The following TECRL variants were observed in gnomAD, a reference collection of about 807,000 sequenced individuals.
TECRL encodes the protein trans-2,3-enoyl-CoA reductase-like.
Under a neutral mutation model 52.8 loss-of-function variants are expected in TECRL, and 63 were observed. The observed-to-expected ratio is 1.19, with a 90% CI of 0.97 to 1.47. The LOEUF is 1.47. Among genes scored for constraint, TECRL ranks in the 40% most tolerant of loss-of-function variants. TECRL has a pLI of 0.00. For missense variants in TECRL, 482 were observed against 429.6 expected (o/e 1.12, Z -1.08); for synonymous variants, 164 against 141.9 (o/e 1.16, Z -1.10).
chr4:64,305,378 G>T lies in TECRL; in HGVS notation c.658-140C>A, dbSNP rs1018184485. On this transcript the variant is annotated intron_variant, in intron 6 of 11. Transcript: ENST00000381210. ...ATATTAGACACTGCAGCATTTATAT[G>T]TAAAATGGTACAAATTGTCTAAGCT... is the stretch of plus-strand genomic sequence containing the variant. 1.3e-5 allele frequency: 9 copies of T among 666,716 alleles called. No homozygotes were observed. In the Admixed American group the frequency reaches 2.1e-4, roughly 16 times the overall value. The allele number at this position is 666,716 out of a possible 1,614,324, so 41.3% of individuals were successfully genotyped here. A position where few individuals can be genotyped will look rare whatever the true frequency, so the allele number is the denominator to read the frequency against.
intron 2 of TECRL, among the ~76,000 whole-genome samples, chr4:64,329,407 G>A (rs1384904040): frequency 6.6e-6 from 1 of 151,636 alleles, no homozygotes; most frequent in Non-Finnish European, 1.5e-5. Flanking sequence ...GGACTAGAAA[G>A]GGATGAGAGT....
chr4:64,406,154 G>GCA (rs1379173665), intron 1 of TECRL, among the ~76,000 whole-genome samples: 29 of 98,592 alleles, frequency 2.9e-4, no homozygotes, highest in Non-Finnish European at 5.7e-4. Flanking sequence ...TTAGGCGCGC[G>GCA]CGCGCGCGCG....
chr4:64,299,976 G>A lies in TECRL; in HGVS notation c.772C>T (p.Leu258=). 1 of 1,572,646 alleles carries A rather than the reference G, an allele frequency of 6.4e-7. No homozygotes were observed. The highest frequency in any genetic ancestry group is 8.7e-7 in the Non-Finnish European group (1 of 1,156,002). Residue 258 remains leucine, a splice_region_variant and synonymous_variant, in exon 8 of 12, where the codon CTG becomes TTG. Transcript: ENST00000381210. The part of the protein sequence containing the change: ...RQITVSAINF[L]ICEAGNHFIN... ...CAAAATATATATATGATACATACCA[G>A]AAAATTGATAGCAGATACTGTGATT... is the stretch of plus-strand genomic sequence containing the variant.
At chr4:64,357,881 A>G (rs1329104530) in intron 2 of TECRL, among the ~76,000 whole-genome samples, 4 of 151,886 alleles carry the variant, frequency 2.6e-5, no homozygotes, top group African/African-American at 9.6e-5. Flanking sequence ...TCATAAGGAC[A>G]TTATATATTA....
chr4:64,299,899 C>A (rs1166825214), intron 8 of TECRL, 75 bp downstream of exon 8: 8 of 727,894 alleles, frequency 1.1e-5, no homozygotes, highest in East Asian at 5.8e-5. Flanking sequence ...CATGACAAAT[C>A]TTCAGATACA....
intron 2 of TECRL, among the ~76,000 whole-genome samples, chr4:64,332,879 T>G (rs1424916879): frequency 6.6e-6 from 1 of 152,078 alleles, no homozygotes; most frequent in Non-Finnish European, 1.5e-5. Flanking sequence ...CTAATATATG[T>G]GAAACTGAAG....
At chr4:64,320,840 AATGC>A (rs1196883203) in intron 4 of TECRL, among the ~76,000 whole-genome samples, 4 of 152,194 alleles carry the variant, frequency 2.6e-5, no homozygotes, top group Admixed American at 2.6e-4. Context: ...TTTATTTGCA[AATGC>A]ATGCATCGTC....
At chr4:64,313,974 A>T (rs1386638390) in intron 5 of TECRL, among the ~76,000 whole-genome samples, 3 of 136,336 alleles carry the variant, frequency 2.2e-5, no homozygotes, top group Admixed American at 7.4e-5. Flanking sequence ...TCCACTAAAA[A>T]TACAAAAAAA....
Position 64,407,733 on chromosome 4 carries a change from G to A in TECRL, c.234+1385C>T, listed in dbSNP as rs1047093464. Reference sequence around the variant, plus strand: ...TGTAAGATTTGTGTTTTTCATAGTGGAATATTATAAACATTAGCAACTTCT... The same window carrying A: ...TGTAAGATTTGTGTTTTTCATAGTGAAATATTATAAACATTAGCAACTTCT... On this transcript the variant is annotated intron_variant, in intron 1 of 11. Coordinates refer to ENST00000381210, the MANE Select transcript of TECRL (RefSeq NM_001010874.5). Among the ~76,000 whole-genome samples the A allele has an allele frequency of 1.1e-4, 16 of 150,980 alleles. No individual in the cohort carries two copies. The South Asian group carries it at 2.3e-3, about 22-fold the overall frequency.
At chr4:64,367,883 C>T (rs1721712554) in intron 2 of TECRL, among the ~76,000 whole-genome samples, 1 of 152,080 alleles carries the variant, frequency 6.6e-6, no homozygotes, top group African/African-American at 2.4e-5. Flanking sequence ...TGATGTATCT[C>T]TTTTGTTATG....
At position 64,279,601 on chromosome 4, in the gene TECRL, T is replaced by G. The variant is rs983949641; in HGVS notation, c.*471A>C. ...TTTTGTCTTTTTGAAAATAGTCACCTTAATTAGGATGAGATGATATCTCAT... is the reference window on the plus strand; with the variant it reads ...TTTTGTCTTTTTGAAAATAGTCACCGTAATTAGGATGAGATGATATCTCAT... On this transcript the variant is annotated 3_prime_UTR_variant, in exon 12 of 12. Coordinates refer to ENST00000381210, the MANE Select transcript of TECRL (RefSeq NM_001010874.5). The G allele has an allele frequency of 4.8e-6, 1 of 210,008 alleles. No individual in the cohort carries two copies. Among genetic ancestry groups the G allele is most frequent in the African/African-American group, 2.4e-5 (1 of 42,386 alleles). The allele number at this position is 210,008 out of a possible 1,614,324, so 13.0% of individuals were successfully genotyped here.
chr4:64,387,010 T>C (rs1438381739), intron 1 of TECRL, among the ~76,000 whole-genome samples: 2 of 152,190 alleles, frequency 1.3e-5, no homozygotes, highest in Non-Finnish European at 2.9e-5. Context: ...GACAAATTTA[T>C]AATGACATAT....
At chr4:64,302,968 G>A (rs1488690286) in intron 7 of TECRL, among the ~76,000 whole-genome samples, 1 of 150,518 alleles carries the variant, frequency 6.6e-6, no homozygotes, top group African/African-American at 2.4e-5. Flanking sequence ...ACCTCATTTT[G>A]TTTTTAAGAA....
Position 64,322,931 on chromosome 4 carries a change from A to G in TECRL, c.332-139T>C, listed in dbSNP as rs904250901. 1.5e-5 allele frequency: 10 copies of G among 662,530 alleles called. No individual in the cohort carries two copies. In the Admixed American group the frequency reaches 2.9e-4, roughly 19 times the overall value. The allele number at this position is 662,530 out of a possible 1,614,324, so 41.0% of individuals were successfully genotyped here. A position where few individuals can be genotyped will look rare whatever the true frequency, so the allele number is the denominator to read the frequency against. On this transcript the variant is annotated intron_variant, in intron 3 of 11. Transcript: ENST00000381210. The stretch of plus-strand genomic sequence containing the variant: ...ACAATGTACAAGAAATCTTCAAAGT[A>G]AAACAAAATGTGAACAATGCCATTT...
chr4:64,336,689 G>A (rs1386352012), intron 2 of TECRL, among the ~76,000 whole-genome samples: 3 of 152,196 alleles, frequency 2.0e-5, no homozygotes, highest in Admixed American at 6.5e-5. Flanking sequence ...ATGTGTCCCA[G>A]AGATTCTGGT....
At chr4:64,334,712 C>T (rs962823102) in intron 2 of TECRL, among the ~76,000 whole-genome samples, 1 of 152,096 alleles carries the variant, frequency 6.6e-6, no homozygotes, top group Non-Finnish European at 1.5e-5. Flanking sequence ...TAAAGCTGCA[C>T]AAAATCTCTG....
intron 4 of TECRL, among the ~76,000 whole-genome samples, chr4:64,322,304 A>AG (rs1717953941): frequency 6.6e-6 from 1 of 152,036 alleles, no homozygotes; most frequent in Non-Finnish European, 1.5e-5. Flanking sequence ...CCATCTCCTC[A>AG]GGGGCAGCTT....
chr4:64,294,438 T>C (rs745982801), intron 8 of TECRL, among the ~76,000 whole-genome samples: 31 of 152,076 alleles, frequency 2.0e-4, no homozygotes, highest in Admixed American at 6.6e-4. Context: ...TGAAAGAAAA[T>C]AGGTTATGAT....
chr4:64,289,813 T>G, intron 8 of TECRL, 46 bp from the exon 9 acceptor site: 1 of 1,287,178 alleles, frequency 7.8e-7, no homozygotes, highest in Non-Finnish European at 1.1e-6. Context: ...CCTCTGCCTA[T>G]TTTTTAAAAA....
Sources: gnomAD v4.1 joint callset for allele counts (sites outside exome capture counted in the v4.1 genomes callset) on GRCh38, gnomAD v4.1.1 for gene constraint, MANE v1.5 for transcripts, NCBI Gene and HGNC (gene_info 2026-07-23, HGNC 2026-07-21) for gene names.